The following PDGFC variants were observed in gnomAD, a reference collection of about 807,000 sequenced individuals.
The protein encoded by PDGFC is platelet derived growth factor C, also known as platelet-derived growth factor C.
A neutral mutation model predicts 35.5 loss-of-function variants in PDGFC; 12 were observed. The observed-to-expected ratio is 0.34, with a 90% CI of 0.22 to 0.55. The LOEUF is 0.55. Ranked by LOEUF, PDGFC falls within the 20% of genes least tolerant of loss-of-function variation. The pLI, the probability that PDGFC is intolerant of heterozygous loss-of-function variation, is 0.91. For missense variants in PDGFC, 322 were observed against 412.4 expected, an observed-to-expected ratio of 0.78 and a Z score of 1.90; for synonymous variants, 159 against 148.8, an observed-to-expected ratio of 1.07 and a Z score of -0.50.
intron 1 of PDGFC, among the ~76,000 whole-genome samples, chr4:156,904,587 T>C (rs1228486490): frequency 6.6e-6 from 1 of 152,114 alleles, no homozygotes; most frequent in Non-Finnish European, 1.5e-5. Flanking sequence ...ATGTGACATA[T>C]CTTAGTAGAT....
At chr4:156,959,786 T>A (rs895459420) in intron 1 of PDGFC, among the ~76,000 whole-genome samples, 1 of 151,920 alleles carries the variant, frequency 6.6e-6, no homozygotes, top group African/African-American at 2.4e-5. Flanking sequence ...CAAACAAAGA[T>A]TGCAAGGGAA....
At chr4:156,914,532 T>C (rs931535707) in intron 1 of PDGFC, among the ~76,000 whole-genome samples, 3 of 152,218 alleles carry the variant, frequency 2.0e-5, no homozygotes, top group Non-Finnish European at 4.4e-5. Flanking sequence ...TTGCCAAAGT[T>C]ATCACTGATC....
chr4:156,879,431 T>C (rs910031789), intron 1 of PDGFC, among the ~76,000 whole-genome samples: 1 of 152,170 alleles, frequency 6.6e-6, no homozygotes, highest in Non-Finnish European at 1.5e-5. Context: ...TTGCTTCTCT[T>C]AAGTTATTTA....
At chr4:156,875,884 G>A (rs141563057) in intron 1 of PDGFC, among the ~76,000 whole-genome samples, 2 of 152,012 alleles carry the variant, frequency 1.3e-5, no homozygotes, top group African/African-American at 4.8e-5. Flanking sequence ...CCCTGTTGGG[G>A]GGAAAAAAAG....
rs569027900 is a variant in PDGFC at position 156,761,356 on chromosome 4, C to T, written c.*1734G>A. On this transcript the variant is annotated 3_prime_UTR_variant, in exon 6 of 6. Coordinates refer to ENST00000502773, the MANE Select transcript of PDGFC (RefSeq NM_016205.3). ...TTCATACTACCATACCACCTATCAC[C>T]AAGCATTTCATAAACCATACAACTT... 3 of 152,252 alleles carry T rather than the reference C, an allele frequency of 2.0e-5. No homozygotes were observed. The highest frequency in any genetic ancestry group is 1.3e-4 in the Admixed American group (2 of 15,290). 9.4% of individuals were successfully genotyped at this position (152,252 alleles called of 1,614,324 possible).
chr4:156,805,746 G>A (rs1410980896), intron 3 of PDGFC, among the ~76,000 whole-genome samples: 1 of 151,992 alleles, frequency 6.6e-6, no homozygotes, highest in Non-Finnish European at 1.5e-5. Context: ...ACTGGCATAT[G>A]TCAGAAGGGA....
intron 1 of PDGFC, among the ~76,000 whole-genome samples, chr4:156,938,408 C>G (rs1461142816): frequency 6.6e-6 from 1 of 152,082 alleles, no homozygotes; most frequent in Non-Finnish European, 1.5e-5. Flanking sequence ...TGACCAATGG[C>G]TCTTGATCAG....
chr4:156,904,012 A>G (rs1367975528), intron 1 of PDGFC, among the ~76,000 whole-genome samples: 1 of 152,146 alleles, frequency 6.6e-6, no homozygotes, highest in African/African-American at 2.4e-5. Context: ...GGTTCCCTGT[A>G]AATTTAAAAC....
intron 3 of PDGFC, among the ~76,000 whole-genome samples, chr4:156,793,534 C>CATATATATAT (rs66571528): frequency 1.0e-3 from 137 of 130,606 alleles, no homozygotes; most frequent in South Asian, 3.1e-3. Flanking sequence ...GAATTATGTG[C>CATATATATAT]ATATATATAT....
chr4:156,869,372 C>T (rs573635538), intron 1 of PDGFC, among the ~76,000 whole-genome samples: 97 of 151,846 alleles, frequency 6.4e-4, no homozygotes, highest in African/African-American at 2.2e-3. Context: ...GGAGGTAGAG[C>T]TTGCAGTGAG....
intron 1 of PDGFC, among the ~76,000 whole-genome samples, chr4:156,857,078 G>A (rs1560843553): frequency 1.4e-5 from 2 of 143,022 alleles, no homozygotes; most frequent in Non-Finnish European, 3.1e-5. Flanking sequence ...ATATCTGAGG[G>A]TTTTTTTTTT....
At position 156,801,203 on chromosome 4, in the gene PDGFC, G is replaced by A. The variant is rs114464077; in HGVS notation, c.495+9634C>T. On this transcript the variant is annotated intron_variant, in intron 3 of 5. Coordinates refer to ENST00000502773, the MANE Select transcript of PDGFC (RefSeq NM_016205.3). ...GAAGCAGAGTCAGGGTAAAAGGACC[G>A]ATTTCCATGCCCCTATGACTGCATC... is the stretch of plus-strand genomic sequence containing the variant. 5.9e-5 allele frequency among the ~76,000 whole-genome samples: 9 copies of A among 152,108 alleles called. No homozygotes were observed. The East Asian group carries it at 1.4e-3, about 23-fold the overall frequency.
Position 156,763,016 on chromosome 4 carries a change from A to G in PDGFC, c.*74T>C, listed in dbSNP as rs577444360. On this transcript the variant is annotated 3_prime_UTR_variant, in exon 6 of 6. Coordinates refer to ENST00000502773, the MANE Select transcript of PDGFC (RefSeq NM_016205.3). Reference sequence around the variant, plus strand: ...AACAACTGAGATTAAGGATGGAGATAACGCATACGTTCTCTAATAGAATCA... The same window carrying G: ...AACAACTGAGATTAAGGATGGAGATGACGCATACGTTCTCTAATAGAATCA... 2 of 768,938 alleles carry G rather than the reference A, an allele frequency of 2.6e-6. No individual in the cohort carries two copies. Among genetic ancestry groups the G allele is most frequent in the East Asian group, 4.9e-5 (2 of 40,488 alleles). The allele number at this position is 768,938 out of a possible 1,614,324, so 47.6% of individuals were successfully genotyped here.
rs111457909 is a variant in PDGFC at position 156,922,376 on chromosome 4, G to T, written c.118+48410C>A. Among the ~76,000 whole-genome samples the T allele has an allele frequency of 1.1e-4, 16 of 152,252 alleles. No homozygotes were observed. In the East Asian group the frequency reaches 3.1e-3, roughly 29 times the overall value. Reference sequence around the variant, plus strand: ...TAACATATGCTAAGTACTATAGCAGGCATTGAGAATATAATCCTGGACAAA... The same window carrying T: ...TAACATATGCTAAGTACTATAGCAGTCATTGAGAATATAATCCTGGACAAA... On this transcript the variant is annotated intron_variant, in intron 1 of 5. Coordinates refer to ENST00000502773, the MANE Select transcript of PDGFC (RefSeq NM_016205.3).
chr4:156,811,963 T>G (rs1731943700), intron 2 of PDGFC, among the ~76,000 whole-genome samples: 1 of 152,116 alleles, frequency 6.6e-6, no homozygotes, highest in Admixed American at 6.6e-5. Context: ...AATATTTCAC[T>G]GGACATTTCA....
intron 1 of PDGFC, among the ~76,000 whole-genome samples, chr4:156,911,051 G>A (rs953048036): frequency 2.0e-5 from 3 of 152,048 alleles, no homozygotes; most frequent in Admixed American, 2.0e-4. Flanking sequence ...TTTTCATGAA[G>A]CCAAATTTAC....
chr4:156,869,894 A>G (rs1232173531), intron 1 of PDGFC, among the ~76,000 whole-genome samples: 1 of 152,102 alleles, frequency 6.6e-6, no homozygotes, highest in Non-Finnish European at 1.5e-5. Context: ...ATTTTAATAC[A>G]GTCAAATTCT....
chr4:156,955,397 G>C (rs7661493), intron 1 of PDGFC, among the ~76,000 whole-genome samples: 5,485 of 149,764 alleles, frequency 0.037, 339 homozygotes, highest in African/African-American at 0.13. Context: ...TTTTCACCAC[G>C]AAAAAAAAAG....
intron 1 of PDGFC, among the ~76,000 whole-genome samples, chr4:156,929,925 A>C (rs918960473): frequency 6.6e-6 from 1 of 152,204 alleles, no homozygotes; most frequent in Admixed American, 6.5e-5. Context: ...CCACACAAGT[A>C]GAAATGTTAA....
Sources: allele counts gnomAD v4.1 joint callset (sites outside exome capture counted in the v4.1 genomes callset), GRCh38; gene constraint gnomAD v4.1.1; transcripts MANE v1.5; gene names NCBI Gene and HGNC (gene_info 2026-07-23, HGNC 2026-07-21).